Variants in RNF220 observed in about 807,000 individuals in gnomAD.
RNF220 encodes the protein ring finger protein 220.
A neutral mutation model predicts 67.1 loss-of-function variants in RNF220; 7 were observed. That is an observed-to-expected ratio of 0.10 (90% CI 0.06 to 0.20). RNF220 has a LOEUF of 0.20. Among genes scored for constraint, RNF220 ranks in the 10% least tolerant of loss-of-function variants. The probability of loss-of-function intolerance (pLI) is 1.00; values close to 1 mark genes in which losing one functional copy is unlikely to be tolerated. For missense variants in RNF220, 565 were observed against 740.3 expected, an observed-to-expected ratio of 0.76 and a Z score of 2.75; for synonymous variants, 270 against 283.2, an observed-to-expected ratio of 0.95 and a Z score of 0.47.
intron 2 of RNF220, among the ~76,000 whole-genome samples, chr1:44,520,125 G>GAA (rs1659798701): frequency 7.1e-6 from 1 of 140,338 alleles, no homozygotes; most frequent in African/African-American, 2.5e-5. Flanking sequence ...GTGTGTGTGT[G>GAA]TGTGAGAGAG....
At chr1:44,603,800 G>T (rs1006937112) in intron 2 of RNF220, among the ~76,000 whole-genome samples, 1 of 152,072 alleles carries the variant, frequency 6.6e-6, no homozygotes, top group Non-Finnish European at 1.5e-5. Flanking sequence ...GAGGCAGCTG[G>T]CCTGGGATGT....
chr1:44,420,615 T>C (rs1277859735), intron 2 of RNF220, among the ~76,000 whole-genome samples: 2 of 152,114 alleles, frequency 1.3e-5, no homozygotes, highest in African/African-American at 4.8e-5. Context: ...AACTCGAAGG[T>C]GTTTCAGATC....
Position 44,649,726 on chromosome 1 carries a change from G to C in RNF220, c.1511G>C (p.Arg504Pro), listed in dbSNP as rs377270177. Residue 504 changes from arginine to proline, a missense_variant, in exon 13 of 15, where the codon CGG becomes CCG. By Grantham distance (103) the Arg-to-Pro change is moderately radical. Transcript: ENST00000361799. The surrounding 1 kb of genome is among the most constrained non-coding windows in gnomAD (Gnocchi z 5.9). ...AAGGCTCGGGTCAGAGAACTTGAAC[G>C]GCAGCTATCTCGTGGGGACCGTTAC... is the stretch of plus-strand genomic sequence containing the variant. ...ALKARVRELE[R>P]QLSRGDRYKC... The C allele has an allele frequency of 6.2e-7, 1 of 1,614,036 alleles. No individual in the cohort carries two copies. The highest frequency in any genetic ancestry group is 8.5e-7 in the Non-Finnish European group (1 of 1,179,964).
chr1:44,631,254 T>G (rs1338036945), intron 5 of RNF220, among the ~76,000 whole-genome samples: 1 of 152,234 alleles, frequency 6.6e-6, no homozygotes, highest in African/African-American at 2.4e-5. Context: ...GCAAAGCTAT[T>G]TTTCAGTTAG....
intron 6 of RNF220, chr1:44,635,126 GGCCA>G: frequency 6.3e-6 from 1 of 159,534 alleles, no homozygotes; most frequent in Non-Finnish European, 1.4e-5. Context: ...GGCCAAGTCA[GGCCA>G]TCGGAGGGGT....
Position 44,622,609 on chromosome 1 carries a change from G to A in RNF220, c.759-133G>A, listed in dbSNP as rs1643845225. 3.6e-5 allele frequency: 26 copies of A among 727,362 alleles called. No individual in the cohort carries two copies. In the Admixed American group the frequency reaches 5.6e-4, roughly 16 times the overall value. The allele number at this position is 727,362 out of a possible 1,614,324, so 45.1% of individuals were successfully genotyped here. A position where few individuals can be genotyped will look rare whatever the true frequency, so the allele number is the denominator to read the frequency against. On this transcript the variant is annotated intron_variant, in intron 3 of 14. Coordinates refer to ENST00000361799, the MANE Select transcript of RNF220 (RefSeq NM_018150.4). This position sits in a 1 kb window ranked among gnomAD's most constrained non-coding sequence, Gnocchi z 4.3. ...GGGCCACTGGGATTGAAAGGACTGGGTGGAGCTTGGCTGAGCTGGGCTGGG... is the reference window on the plus strand; with the variant it reads ...GGGCCACTGGGATTGAAAGGACTGGATGGAGCTTGGCTGAGCTGGGCTGGG...
chr1:44,606,000 C>A (rs1242170824), intron 2 of RNF220, among the ~76,000 whole-genome samples: 1 of 152,170 alleles, frequency 6.6e-6, no homozygotes, highest in African/African-American at 2.4e-5. Flanking sequence ...ACATATCTCT[C>A]CCCTGCCCGC....
At chr1:44,545,130 A>G (rs994484283) in intron 2 of RNF220, among the ~76,000 whole-genome samples, 2 of 152,216 alleles carry the variant, frequency 1.3e-5, no homozygotes, top group Admixed American at 6.5e-5. Flanking sequence ...CCATGTGGCC[A>G]TGGTCCATTG....
chr1:44,578,761 A>G (rs983668791), intron 2 of RNF220, among the ~76,000 whole-genome samples: 1 of 152,212 alleles, frequency 6.6e-6, no homozygotes, highest in Non-Finnish European at 1.5e-5. Flanking sequence ...ATGGTTTAGC[A>G]TCCTTGATCT....
intron 2 of RNF220, among the ~76,000 whole-genome samples, chr1:44,578,951 G>A (rs113070344): frequency 4.1e-4 from 62 of 152,120 alleles, no homozygotes; most frequent in African/African-American, 1.4e-3. Flanking sequence ...GGATCACGAG[G>A]TCAGGAGATT....
chr1:44,494,667 GA>G (rs998174365), intron 2 of RNF220, among the ~76,000 whole-genome samples: 2 of 151,974 alleles, frequency 1.3e-5, no homozygotes, highest in Admixed American at 6.6e-5. Flanking sequence ...GTTTGCATAT[GA>G]AAAAAATATC....
chr1:44,614,199 G>A lies in RNF220; in HGVS notation c.660G>A (p.Gln220=). ...AAGCAGCGGCATTGTTCGACAGCCAGGCCCCAATTTGCCCCATCTGCCAGG... is the reference window on the plus strand; with the variant it reads ...AAGCAGCGGCATTGTTCGACAGCCAAGCCCCAATTTGCCCCATCTGCCAGG... ...KKKAAALFDS[Q]APICPICQVL... The change falls in exon 3 of 15, where the codon CAG becomes CAA. Residue 220 remains glutamine, a synonymous_variant. Coordinates refer to ENST00000361799, the MANE Select transcript of RNF220 (RefSeq NM_018150.4). 6.2e-7 allele frequency: 1 copy of A among 1,614,190 alleles called. No individual in the cohort carries two copies. The highest frequency in any genetic ancestry group is 8.5e-7 in the Non-Finnish European group (1 of 1,180,024).
chr1:44,598,066 A>G (rs1666657900), intron 2 of RNF220, among the ~76,000 whole-genome samples: 1 of 151,504 alleles, frequency 6.6e-6, no homozygotes, highest in Non-Finnish European at 1.5e-5. Flanking sequence ...GCCCCCTCCA[A>G]GAGTCAGGCC....
chr1:44,642,772 T>TTATAAG (rs1237807168), intron 8 of RNF220, among the ~76,000 whole-genome samples: 2 of 152,216 alleles, frequency 1.3e-5, no homozygotes. Context: ...CAGGGTTCTC[T>TTATAAG]GCTTTCCACT....
At chr1:44,435,305 C>T (rs1419491052) in intron 2 of RNF220, among the ~76,000 whole-genome samples, 1 of 152,132 alleles carries the variant, frequency 6.6e-6, no homozygotes, top group Non-Finnish European at 1.5e-5. Context: ...ATTTAAACTC[C>T]CAGAGCTTGG....
chr1:44,545,954 C>T (rs956920657), intron 2 of RNF220, among the ~76,000 whole-genome samples: 1 of 152,064 alleles, frequency 6.6e-6, no homozygotes, highest in Non-Finnish European at 1.5e-5. Context: ...CGAGGAGAAA[C>T]CCTTTCTTGC....
At chr1:44,503,827 G>C (rs1026336751) in intron 2 of RNF220, among the ~76,000 whole-genome samples, 1 of 152,078 alleles carries the variant, frequency 6.6e-6, no homozygotes, top group African/African-American at 2.4e-5. Context: ...GAAAGCTCTG[G>C]GTGTGGGGCC....
chr1:44,457,179 C>T (rs1653277794), intron 2 of RNF220, among the ~76,000 whole-genome samples: 1 of 152,074 alleles, frequency 6.6e-6, no homozygotes, highest in Non-Finnish European at 1.5e-5. Context: ...CTGCCCCTTC[C>T]CTTGAACACT....
At chr1:44,475,074 A>G (rs2148004146) in intron 2 of RNF220, among the ~76,000 whole-genome samples, 1 of 151,160 alleles carries the variant, frequency 6.6e-6, no homozygotes, top group East Asian at 1.9e-4. Context: ...GGTAAGACTG[A>G]GGAAAAAAAA....
Sources: gnomAD v4.1 joint callset for allele counts (sites outside exome capture counted in the v4.1 genomes callset) on GRCh38, gnomAD v4.1.1 for gene constraint, Gnocchi (gnomAD v3.1) non-coding constraint, MANE v1.5 for transcripts, NCBI Gene and HGNC (gene_info 2026-07-23, HGNC 2026-07-21) for gene names.